Variants in ACSS2 observed in about 807,000 individuals in gnomAD.
The protein encoded by ACSS2 is acetyl-coenzyme A synthetase, cytoplasmic.
Under a neutral mutation model 90.6 loss-of-function variants are expected in ACSS2, and 58 were observed. The ratio of observed to expected loss-of-function variants is 0.64; its 90% confidence interval spans 0.52 to 0.80. The LOEUF is 0.80. Ranked by LOEUF, ACSS2 falls within the 30% of genes least tolerant of loss-of-function variation. The pLI is 0.00. For missense variants in ACSS2, 759 were observed against 912.0 expected (o/e 0.83, Z 2.16); for synonymous variants, 300 against 330.9 (o/e 0.91, Z 1.01).
At chr20:34,894,319 T>C (rs1568972294) in intron 2 of ACSS2, among the ~76,000 whole-genome samples, 1 of 151,602 alleles carries the variant, frequency 6.6e-6, no homozygotes, top group Non-Finnish European at 1.5e-5. Context: ...GTAGACCCCA[T>C]CTCTATAAAA....
chr20:34,895,511 G>A (rs1371739702), intron 2 of ACSS2, among the ~76,000 whole-genome samples: 2 of 152,184 alleles, frequency 1.3e-5, no homozygotes, highest in Admixed American at 6.5e-5. Flanking sequence ...AGTTTGTTAC[G>A]TGGATGAATT....
intron 2 of ACSS2, among the ~76,000 whole-genome samples, chr20:34,909,876 C>T (rs749382476): frequency 6.6e-5 from 10 of 151,978 alleles, no homozygotes; most frequent in Non-Finnish European, 1.5e-4. Context: ...ACCACCATGC[C>T]CGGCTAATTT....
chr20:34,888,796 G>A (rs1555880752), intron 2 of ACSS2, among the ~76,000 whole-genome samples: 1 of 152,208 alleles, frequency 6.6e-6, no homozygotes, highest in Non-Finnish European at 1.5e-5. Flanking sequence ...TTGGGGTAGG[G>A]AGGGGAAATG....
At chr20:34,899,126 C>G (rs939551637) in intron 2 of ACSS2, among the ~76,000 whole-genome samples, 5 of 152,190 alleles carry the variant, frequency 3.3e-5, no homozygotes, top group African/African-American at 4.8e-5. Flanking sequence ...CACGCCCACT[C>G]GGAACTCCAG....
chr20:34,896,385 A>G (rs1375875962), intron 2 of ACSS2, among the ~76,000 whole-genome samples: 1 of 152,136 alleles, frequency 6.6e-6, no homozygotes, highest in Non-Finnish European at 1.5e-5. Context: ...TCTTGACATG[A>G]TTCCAAAATC....
chr20:34,899,603 C>T (rs1227450593), intron 2 of ACSS2, among the ~76,000 whole-genome samples: 1 of 151,846 alleles, frequency 6.6e-6, no homozygotes, highest in Non-Finnish European at 1.5e-5. Context: ...GATTCTCCCA[C>T]CTCAGCCTCC....
At chr20:34,899,066 T>C (rs6058139) in intron 2 of ACSS2, among the ~76,000 whole-genome samples, 103,784 of 152,158 alleles carry the variant, frequency 0.68, 37,418 homozygotes, top group African/African-American at 0.92. Context: ...CCTCATTGCC[T>C]GGGGCCGGCA....
Position 34,876,838 on chromosome 20 carries a change from G to A in ACSS2, c.178+15G>A. 1 of 1,285,528 alleles carries A rather than the reference G, an allele frequency of 7.8e-7. No homozygotes were observed. The highest frequency in any genetic ancestry group is 9.9e-7 in the Non-Finnish European group (1 of 1,015,192). The allele number at this position is 1,285,528 out of a possible 1,614,324, so 79.6% of individuals were successfully genotyped here. On this transcript the variant is annotated intron_variant, in intron 1 of 17. Coordinates refer to ENST00000360596, the MANE Select transcript of ACSS2 (RefSeq NM_018677.4). The stretch of plus-strand genomic sequence containing the variant: ...GGAGCCGCGGGGTGAGGCCCGGCCC[G>A]GGCGGGCCTGGGGTGTCAGTGAGGA...
intron 8 of ACSS2, 71 bp downstream of exon 8, chr20:34,919,643 G>A (rs898896853): frequency 1.3e-6 from 2 of 1,505,116 alleles, no homozygotes; most frequent in Middle Eastern, 2.4e-4. Flanking sequence ...TAAGAAGTAA[G>A]TTTCTGAGGA....
rs111569276 is a variant in ACSS2, at chr20:34,877,909, C to T, written c.178+1086C>T. On this transcript the variant is annotated intron_variant, in intron 1 of 17. Coordinates refer to ENST00000360596, the MANE Select transcript of ACSS2 (RefSeq NM_018677.4). ...TCTGGGTAAAGGACAGATAGATAGA[C>T]AGATAGATAGATAGATAGATAGATA... 4.4e-3 allele frequency among the ~76,000 whole-genome samples: 638 copies of T among 146,622 alleles called. 4 individuals are homozygous for T. Among genetic ancestry groups the T allele is most frequent in the Non-Finnish European group, 5.9e-3 (393 of 67,034 alleles).
rs374743810 is a variant in ACSS2 at position 34,906,540 on chromosome 20, G to GGTGT, written c.375-6539_375-6536dup. 4.2e-3 allele frequency among the ~76,000 whole-genome samples: 624 copies of GGTGT among 150,350 alleles called. 2 individuals carry two copies. Among genetic ancestry groups the GGTGT allele is most frequent in the African/African-American group, 0.014 (588 of 41,036 alleles). On this transcript the variant is annotated intron_variant, in intron 2 of 17. Coordinates refer to ENST00000360596, the MANE Select transcript of ACSS2 (RefSeq NM_018677.4). ...AGCCAAGGAGAGGAATGCACACTGT[G>GGTGT]GTGTGTGTGTGTGTGTGTGTTTCAC... is the stretch of plus-strand genomic sequence containing the variant.
intron 13 of ACSS2, chr20:34,922,200 C>CCTACG (rs2081218706): frequency 8.6e-6 from 2 of 233,468 alleles, no homozygotes; most frequent in Non-Finnish European, 1.6e-5. Flanking sequence ...CACGTAGGAT[C>CCTACG]TGGAGTCACC....
intron 2 of ACSS2, among the ~76,000 whole-genome samples, chr20:34,900,363 TG>T (rs2080625498): frequency 1.3e-5 from 2 of 148,238 alleles, no homozygotes; most frequent in African/African-American, 2.5e-5. Context: ...TTAGTAGAGA[TG>T]GGGTTTGGCC....
At chr20:34,875,730 C>T (rs1240511948), upstream of ACSS2, 1 of 153,464 alleles carries the variant, frequency 6.5e-6, no homozygotes, top group Non-Finnish European at 1.5e-5. Flanking sequence ...GTTATTTGCT[C>T]TCTGACTGTG....
At position 34,913,121 on chromosome 20, in the gene ACSS2, A is replaced by G. The variant is rs2080999541; in HGVS notation, c.400A>G (p.Thr134Ala). ...YWEGNEPGET[T>A]QITYHQLLVQ... The stretch of plus-strand genomic sequence containing the variant: ...GGAGGGCAATGAGCCAGGGGAGACC[A>G]CTCAGATCACATACCATCAGCTTCT... The change falls in exon 3 of 18, where the codon ACT (threonine) becomes GCT (alanine). Residue 134 changes from threonine (T) to alanine (A), a missense_variant. Thr to Ala is a moderately conservative substitution (Grantham distance 58). Coordinates refer to ENST00000360596, the MANE Select transcript of ACSS2 (RefSeq NM_018677.4). The G allele has an allele frequency of 5.6e-6, 9 of 1,613,920 alleles. No individual in the cohort carries two copies. The highest frequency in any genetic ancestry group is 1.3e-5 in the African/African-American group (1 of 74,872).
At chr20:34,926,988 A>AG (rs772795603) in intron 17 of ACSS2, 37 bp downstream of exon 17, 1 of 1,614,088 alleles carries the variant, frequency 6.2e-7, no homozygotes, top group Non-Finnish European at 8.5e-7. Flanking sequence ...GGATGGGCTG[A>AG]GGCCTGGTGG....
chr20:34,924,315 A>G (rs2081268967), intron 14 of ACSS2, among the ~76,000 whole-genome samples: 1 of 152,236 alleles, frequency 6.6e-6, no homozygotes, highest in Non-Finnish European at 1.5e-5. Flanking sequence ...CCCAACAAAC[A>G]TAAATAAGCT....
chr20:34,899,156 C>T (rs901220927), intron 2 of ACSS2, among the ~76,000 whole-genome samples: 2 of 152,178 alleles, frequency 1.3e-5, no homozygotes, highest in African/African-American at 4.8e-5. Context: ...AAGCTCCGTG[C>T]GCAGCCCCGG....
At chr20:34,924,020 G>A (rs976759369) in intron 14 of ACSS2, among the ~76,000 whole-genome samples, 2 of 152,212 alleles carry the variant, frequency 1.3e-5, no homozygotes, top group African/African-American at 2.4e-5. Context: ...GCAGGAATGA[G>A]TATAGCAGGA....
Sources: gnomAD v4.1 joint callset for allele counts (sites outside exome capture counted in the v4.1 genomes callset) on GRCh38, gnomAD v4.1.1 for gene constraint, MANE v1.5 for transcripts, NCBI Gene and HGNC (gene_info 2026-07-23, HGNC 2026-07-21) for gene names.